ZNF385D: variants seen among roughly 807,000 people sequenced by gnomAD.
The protein encoded by ZNF385D is zinc finger protein 659.
In ZNF385D, 15 loss-of-function variants were observed where a neutral mutation model predicts 35.8. The ratio of observed to expected loss-of-function variants is 0.42; its 90% CI spans 0.28 to 0.64. ZNF385D has a LOEUF of 0.64. Ranked by LOEUF, ZNF385D falls within the 30% of genes least tolerant of loss-of-function variation. The pLI, the probability that ZNF385D is intolerant of heterozygous loss-of-function variation, is 0.23. For missense variants in ZNF385D, 474 were observed against 494.6 expected (o/e 0.96, Z 0.39); for synonymous variants, 212 against 186.8 (o/e 1.13, Z -1.10).
At chr3:22,253,618 T>C (rs1049875079) in intron 2 of ZNF385D, among the ~76,000 whole-genome samples, 3 of 151,992 alleles carry the variant, frequency 2.0e-5, no homozygotes, top group African/African-American at 7.2e-5. Flanking sequence ...ATCCCTGGCA[T>C]TGATTTTTTT....
intron 3 of ZNF385D, among the ~76,000 whole-genome samples, chr3:21,563,620 A>T: frequency 6.6e-6 from 1 of 152,238 alleles, no homozygotes; most frequent in East Asian, 1.9e-4. Flanking sequence ...TTGACTGGAG[A>T]GGTTAAATAC....
chr3:22,246,209 T>A (rs1262808678), intron 2 of ZNF385D, among the ~76,000 whole-genome samples: 1 of 152,184 alleles, frequency 6.6e-6, no homozygotes, highest in African/African-American at 2.4e-5. Context: ...ATAACTGTCT[T>A]TCTCCAGAAT....
intron 3 of ZNF385D, among the ~76,000 whole-genome samples, chr3:21,994,779 T>G (rs542712184): frequency 9.9e-5 from 15 of 152,146 alleles, no homozygotes; most frequent in Non-Finnish European, 5.9e-5. Flanking sequence ...GGTAGTGTAG[T>G]CTCAGTATGA....
Position 21,820,906 on chromosome 3 carries a change from TA to T in ZNF385D, c.326-155879del, listed in dbSNP as rs1158074661. Among the ~76,000 whole-genome samples, 5 of 148,406 alleles carry T rather than the reference TA, an allele frequency of 3.4e-5. No homozygotes were observed. In the East Asian group the frequency reaches 9.9e-4, roughly 29 times the overall value. On this transcript the variant is annotated intron_variant, in intron 3 of 5. Transcript: ENST00000494108. Reference sequence around the variant, plus strand: ...AATACAGTAAAGTTAGTTTTGTGATTAAAAAAAAGAAAACAAAAAGAAATTT... The same window carrying T: ...AATACAGTAAAGTTAGTTTTGTGATTAAAAAAAGAAAACAAAAAGAAATTT...
At chr3:21,982,979 G>A (rs943507910) in intron 3 of ZNF385D, among the ~76,000 whole-genome samples, 1 of 152,066 alleles carries the variant, frequency 6.6e-6, no homozygotes, top group Middle Eastern at 3.4e-3. Flanking sequence ...ATGTGCTGCT[G>A]AATTTGGTTT....
At chr3:22,039,120 G>A (rs554436920) in intron 3 of ZNF385D, among the ~76,000 whole-genome samples, 1 of 151,752 alleles carries the variant, frequency 6.6e-6, no homozygotes, top group African/African-American at 2.4e-5. Context: ...GCCAGAAGTG[G>A]AAGCATATAG....
chr3:22,190,432 T>C (rs554464272), intron 2 of ZNF385D, among the ~76,000 whole-genome samples: 1 of 152,198 alleles, frequency 6.6e-6, no homozygotes, highest in Non-Finnish European at 1.5e-5. Flanking sequence ...GCATTTCAAA[T>C]GAGTGGTAAG....
chr3:21,805,121 G>C (rs1462864878), intron 3 of ZNF385D, among the ~76,000 whole-genome samples: 1 of 152,068 alleles, frequency 6.6e-6, no homozygotes, highest in Non-Finnish European at 1.5e-5. Flanking sequence ...TTTGCTGCTG[G>C]GACCATCTCC....
At chr3:22,247,911 T>C (rs969051030) in intron 2 of ZNF385D, among the ~76,000 whole-genome samples, 4 of 152,102 alleles carry the variant, frequency 2.6e-5, no homozygotes, top group Non-Finnish European at 5.9e-5. Flanking sequence ...CCTACAATTT[T>C]TAATATGACA....
At chr3:21,951,929 C>T (rs936269728) in intron 3 of ZNF385D, among the ~76,000 whole-genome samples, 1 of 151,416 alleles carries the variant, frequency 6.6e-6, no homozygotes, top group Non-Finnish European at 1.5e-5. Flanking sequence ...TATGTTTTTC[C>T]ACAAAGAGCA....
At chr3:22,216,859 G>A (rs1332864339) in intron 2 of ZNF385D, among the ~76,000 whole-genome samples, 2 of 152,064 alleles carry the variant, frequency 1.3e-5, no homozygotes, top group African/African-American at 4.8e-5. Flanking sequence ...AGCCTCCCAT[G>A]CCTAATTCTT....
intron 2 of ZNF385D, among the ~76,000 whole-genome samples, chr3:22,254,155 A>C (rs1156821111): frequency 6.6e-6 from 1 of 151,854 alleles, no homozygotes; most frequent in East Asian, 1.9e-4. Flanking sequence ...TAAAGAGAGA[A>C]AGGGAAATTC....
At chr3:21,987,245 T>A in intron 3 of ZNF385D, among the ~76,000 whole-genome samples, 1 of 141,616 alleles carries the variant, frequency 7.1e-6, no homozygotes, top group Non-Finnish European at 1.5e-5. Context: ...CGTTAGTTGA[T>A]GCAGTTTCTT....
At chr3:21,593,801 C>T (rs2064051188) in intron 2 of ZNF385D, among the ~76,000 whole-genome samples, 1 of 150,862 alleles carries the variant, frequency 6.6e-6, no homozygotes, top group African/African-American at 2.5e-5. Context: ...AATAAGCTAG[C>T]CCTAAGAAAC....
At chr3:21,567,670 C>G (rs11714683) in intron 2 of ZNF385D, among the ~76,000 whole-genome samples, 3 of 152,114 alleles carry the variant, frequency 2.0e-5, no homozygotes, top group African/African-American at 4.8e-5. Flanking sequence ...GTGTTTCTAT[C>G]GGGATAAGGT....
chr3:21,927,424 G>C (rs1700784945), intron 3 of ZNF385D, among the ~76,000 whole-genome samples: 1 of 152,014 alleles, frequency 6.6e-6, no homozygotes, highest in African/African-American at 2.4e-5. Flanking sequence ...AACAGTTCTT[G>C]GCAGCTTTAT....
At chr3:21,679,874 T>A (rs147095592) in intron 1 of ZNF385D, among the ~76,000 whole-genome samples, 1 of 152,184 alleles carries the variant, frequency 6.6e-6, no homozygotes, top group Non-Finnish European at 1.5e-5. Context: ...TACCCACTCT[T>A]AAATGATCTC....
chr3:21,734,381 CTT>C (rs1262430478), intron 1 of ZNF385D, among the ~76,000 whole-genome samples: 1 of 149,254 alleles, frequency 6.7e-6, no homozygotes, highest in Admixed American at 6.7e-5. Context: ...TTTTAAAAAA[CTT>C]TTATTTTAGA....
chr3:22,142,463 TCTG>T (rs1398510071), intron 3 of ZNF385D, among the ~76,000 whole-genome samples: 4 of 152,242 alleles, frequency 2.6e-5, no homozygotes, highest in African/African-American at 9.6e-5. Context: ...ATGGTTTAAT[TCTG>T]CTGAAGTTAT....
Sources: gnomAD v4.1 joint callset for allele counts (sites outside exome capture counted in the v4.1 genomes callset) on GRCh38, gnomAD v4.1.1 for gene constraint, MANE v1.5 for transcripts, NCBI Gene and HGNC (gene_info 2026-07-23, HGNC 2026-07-21) for gene names.